Variants in DLG2 observed in about 807,000 individuals in gnomAD.
The protein encoded by DLG2 is discs large MAGUK scaffold protein 2.
DLG2 carries 45 observed loss-of-function variants against 132.5 expected under a neutral mutation model. The ratio of observed to expected loss-of-function variants is 0.34; its 90% confidence interval spans 0.27 to 0.44. The LOEUF (loss-of-function observed/expected upper bound fraction) is 0.44, where lower values mean the gene tolerates loss of function less well. DLG2 is among the 20% of genes least tolerant of loss of function. The pLI is 1.00. For synonymous variants in DLG2, 424 were observed against 419.6 expected (o/e 1.01, Z -0.13); for missense variants, 1,045 against 1,196.9 (o/e 0.87, Z 1.87).
chr11:83,557,293 A>G (rs1333183945), intron 19 of DLG2, among the ~76,000 whole-genome samples: 1 of 152,230 alleles, frequency 6.6e-6, no homozygotes, highest in Non-Finnish European at 1.5e-5. Context: ...GTAGAGAAAA[A>G]CAAGGACAGT....
chr11:83,502,158 G>A (rs756882134), intron 21 of DLG2, among the ~76,000 whole-genome samples: 1 of 152,126 alleles, frequency 6.6e-6, no homozygotes, highest in Non-Finnish European at 1.5e-5. Flanking sequence ...CACATATCAA[G>A]TCCTATTAAG....
intron 11 of DLG2, among the ~76,000 whole-genome samples, chr11:84,009,441 T>A (rs539586538): frequency 1.3e-5 from 2 of 152,222 alleles, no homozygotes; most frequent in East Asian, 3.9e-4. Flanking sequence ...TGCTTCCTAT[T>A]CTTTATATGG....
intron 8 of DLG2, among the ~76,000 whole-genome samples, chr11:84,234,157 A>G (rs2097129663): frequency 6.6e-6 from 1 of 152,188 alleles, no homozygotes; most frequent in South Asian, 2.1e-4. Flanking sequence ...GGGAAGAATC[A>G]TGGGGGAAGA....
At chr11:83,580,801 C>A in intron 19 of DLG2, among the ~76,000 whole-genome samples, 1 of 139,410 alleles carries the variant, frequency 7.2e-6, no homozygotes, top group East Asian at 2.2e-4. Flanking sequence ...CCCTCCCTCC[C>A]TCCCCTGCCC....
rs567832026 is a variant in DLG2 at position 83,761,465 on chromosome 11, C to T, written c.1825+25225G>A. Reference sequence around the variant, plus strand: ...ATTTACAATTACAATTTGCAACTTACAATTATATTGAATAATGATAGTCTC... The same window carrying T: ...ATTTACAATTACAATTTGCAACTTATAATTATATTGAATAATGATAGTCTC... On this transcript the variant is annotated intron_variant, in intron 18 of 27. Coordinates refer to ENST00000376104, the MANE Select transcript of DLG2 (RefSeq NM_001142699.3). Among the ~76,000 whole-genome samples the T allele has an allele frequency of 9.2e-5, 14 of 152,348 alleles. No homozygotes were observed. In the South Asian group the frequency reaches 2.9e-3, roughly 32 times the overall value.
intron 4 of DLG2, among the ~76,000 whole-genome samples, chr11:85,240,043 T>G (rs1171911517): frequency 6.6e-6 from 1 of 151,918 alleles, no homozygotes; most frequent in African/African-American, 2.4e-5. Context: ...CTATTCTACA[T>G]CTCCTTCTTT....
At chr11:83,776,211 A>G (rs2153801175) in intron 18 of DLG2, among the ~76,000 whole-genome samples, 1 of 152,362 alleles carries the variant, frequency 6.6e-6, no homozygotes, top group South Asian at 2.1e-4. Context: ...TCAGGAAAGG[A>G]TGAATTTATG....
At chr11:83,651,382 G>A (rs2116478) in intron 18 of DLG2, among the ~76,000 whole-genome samples, 21,776 of 152,158 alleles carry the variant, frequency 0.14, 3,995 homozygotes, top group African/African-American at 0.43. Flanking sequence ...AGGTAAAGAA[G>A]CTGTACAAAG....
intron 7 of DLG2, among the ~76,000 whole-genome samples, chr11:84,385,245 A>T (rs1380561272): frequency 1.3e-5 from 2 of 151,952 alleles, no homozygotes; most frequent in Non-Finnish European, 2.9e-5. Context: ...AAAGAGTTTT[A>T]AAAAAAATCA....
At chr11:83,648,073 T>C (rs555478876) in intron 18 of DLG2, 4 of 152,316 alleles carry the variant, frequency 2.6e-5, no homozygotes, top group African/African-American at 9.6e-5. Flanking sequence ...CATGAATCTG[T>C]CTATTAATCC....
chr11:85,263,428 A>G (rs936720814), intron 4 of DLG2, among the ~76,000 whole-genome samples: 1 of 152,174 alleles, frequency 6.6e-6, no homozygotes. Context: ...TTGAGCTGCC[A>G]CTGCCAATTG....
At chr11:83,753,548 G>A (rs2093429972) in intron 18 of DLG2, among the ~76,000 whole-genome samples, 1 of 150,660 alleles carries the variant, frequency 6.6e-6, no homozygotes, top group Non-Finnish European at 1.5e-5. Flanking sequence ...GAGTTTCCAG[G>A]AGAAATGCAA....
intron 15 of DLG2, among the ~76,000 whole-genome samples, chr11:83,904,635 C>T (rs931621510): frequency 6.6e-6 from 1 of 151,960 alleles, no homozygotes. Flanking sequence ...GACACAGTAT[C>T]TCTGGAACTA....
At chr11:84,410,999 G>C (rs921308141) in intron 7 of DLG2, among the ~76,000 whole-genome samples, 1 of 152,078 alleles carries the variant, frequency 6.6e-6, no homozygotes, top group South Asian at 2.1e-4. Context: ...AACAGTGACT[G>C]CTAATTTCTA....
chr11:83,823,828 C>T (rs2051611902), intron 17 of DLG2, among the ~76,000 whole-genome samples: 1 of 152,146 alleles, frequency 6.6e-6, no homozygotes, highest in Non-Finnish European at 1.5e-5. Flanking sequence ...TATACAATGG[C>T]TTCCTGTGGT....
chr11:85,489,096 C>A (rs1565572412), intron 3 of DLG2, among the ~76,000 whole-genome samples: 1 of 151,974 alleles, frequency 6.6e-6, no homozygotes, highest in Non-Finnish European at 1.5e-5. Context: ...TGAACATATA[C>A]AATTACAGGC....
At chr11:84,755,860 G>A (rs2066808082) in intron 6 of DLG2, among the ~76,000 whole-genome samples, 1 of 152,142 alleles carries the variant, frequency 6.6e-6, no homozygotes, top group African/African-American at 2.4e-5. Flanking sequence ...TGAGAATTAG[G>A]CATGTTAGTC....
chr11:84,151,384 G>T (rs1248458064), intron 9 of DLG2, among the ~76,000 whole-genome samples: 1 of 152,050 alleles, frequency 6.6e-6, no homozygotes, highest in Non-Finnish European at 1.5e-5. Context: ...ATTTCTGTGG[G>T]ATCAGTTGTG....
intron 7 of DLG2, among the ~76,000 whole-genome samples, chr11:84,266,452 T>C (rs143239425): frequency 2.7e-4 from 41 of 152,246 alleles, no homozygotes; most frequent in African/African-American, 9.9e-4. Flanking sequence ...CCTATACTAA[T>C]AGAAATTCCA....
Sources: gnomAD v4.1 joint callset for allele counts (sites outside exome capture counted in the v4.1 genomes callset) on GRCh38, gnomAD v4.1.1 for gene constraint, MANE v1.5 for transcripts, NCBI Gene and HGNC (gene_info 2026-07-23, HGNC 2026-07-21) for gene names.